The following APBA3 variants were observed in gnomAD, a reference collection of about 807,000 sequenced individuals.
The protein encoded by APBA3 is amyloid beta precursor protein binding family A member 3.
In APBA3, 45 loss-of-function variants were observed where a neutral mutation model predicts 55.9. The ratio of observed to expected loss-of-function variants is 0.80; its 90% CI spans 0.63 to 1.03. APBA3 has a LOEUF of 1.03. Among genes scored for constraint, APBA3 ranks in the 50% least tolerant of loss-of-function variants. APBA3 has a pLI of 0.00. For missense variants in APBA3, 865 were observed against 820.3 expected (o/e 1.05, Z -0.67); for synonymous variants, 370 against 353.3 (o/e 1.05, Z -0.53).
Position 3,759,792 on chromosome 19 carries a change from G to T in APBA3, c.473C>A (p.Ala158Asp), listed in dbSNP as rs964373048. ...DSDSPEWVEG[A>D]SAEQEGSRSS... ...CCTGCTGCCCTCCTGCTCAGCAGAG[G>T]CCCCCTCCACCCATTCTGGGGAGTC... Residue 158 changes from alanine (A) to aspartate (D), a missense_variant, in exon 2 of 11, where the codon GCC becomes GAC. Physicochemically the swap from Ala to Asp is moderately radical, Grantham distance 126. Coordinates refer to ENST00000316757, the MANE Select transcript of APBA3 (RefSeq NM_004886.4). 5 of 1,612,490 alleles carry T rather than the reference G, an allele frequency of 3.1e-6. No homozygotes were observed. The Admixed American group carries it at 6.7e-5, about 22-fold the overall frequency.
rs985963751 is a variant in APBA3, at chr19:3,754,721, C to T, written c.617-381G>A. On this transcript the variant is annotated intron_variant, in intron 3 of 10. Coordinates refer to ENST00000316757, the MANE Select transcript of APBA3 (RefSeq NM_004886.4). ...TCGCTCTGTCGCCCAGGCTGGAGCT[C>T]GGTGGTGTGATCTCAGCTCACTGCA... The T allele has an allele frequency of 9.1e-5, 17 of 186,366 alleles. 1 individual carries two copies. The South Asian group carries it at 1.1e-3, about 13-fold the overall frequency. The allele number at this position is 186,366 out of a possible 1,614,324, so 11.5% of individuals were successfully genotyped here.
Position 3,761,584 on chromosome 19 carries a change from T to G in APBA3, c.-86A>C, listed in dbSNP as rs1430482112. 2.6e-5 allele frequency: 4 copies of G among 152,166 alleles called. No individual in the cohort carries two copies. The highest frequency in any genetic ancestry group is 2.6e-4 in the Admixed American group (4 of 15,272). 9.4% of individuals were successfully genotyped at this position (152,166 alleles called of 1,614,324 possible). The stretch of plus-strand genomic sequence containing the variant: ...CCCCGCGCAGCCTCCAGGACCCCGC[T>G]CCCCACGGACGGCCCCGACGTAGCC... On this transcript the variant is annotated 5_prime_UTR_variant, in exon 1 of 11. Coordinates refer to ENST00000316757, the MANE Select transcript of APBA3 (RefSeq NM_004886.4).
At chr19:3,752,451 T>G in intron 8 of APBA3, 57 bp downstream of exon 8, 1 of 1,476,310 alleles carries the variant, frequency 6.8e-7, no homozygotes, top group Non-Finnish European at 9.1e-7. Context: ...GAGACCTCTC[T>G]GGGACTCAGC....
chr19:3,752,996 G>A lies in APBA3; in HGVS notation c.1012-6C>T. ...GCCTGGGCGATGAGCTGGGCCTGCG[G>A]GGAGGAGTGGCGCGTCCCTGGGGTG... On this transcript the variant is annotated splice_polypyrimidine_tract_variant and splice_region_variant and intron_variant, in intron 6 of 10. Transcript: ENST00000316757. 1 of 1,610,004 alleles carries A rather than the reference G, an allele frequency of 6.2e-7. No homozygotes were observed. The highest frequency in any genetic ancestry group is 8.5e-7 in the Non-Finnish European group (1 of 1,179,770).
At chr19:3,753,512 G>A (rs1467304332) in intron 6 of APBA3, 1 of 469,046 alleles carries the variant, frequency 2.1e-6, no homozygotes, top group African/African-American at 2.0e-5. Flanking sequence ...GCCAGGCATG[G>A]TGATACCCCG....
intron 3 of APBA3, among the ~76,000 whole-genome samples, chr19:3,758,032 T>C (rs1337965369): frequency 7.2e-5 from 11 of 152,092 alleles, no homozygotes; most frequent in African/African-American, 2.7e-4. Flanking sequence ...CCTCCCGGGT[T>C]CATGTGATTC....
In APBA3 at chr19:3,753,075, C is replaced by T. The variant is rs1022585882; in HGVS notation, c.1012-85G>A. ...GTCCCCAGGGTCCTCAGAGCTGAGC[C>T]CTCCTGTCCCCACCTGGGGTGAGAG... On this transcript the variant is annotated intron_variant, in intron 6 of 10. Coordinates refer to ENST00000316757, the MANE Select transcript of APBA3 (RefSeq NM_004886.4). The T allele has an allele frequency of 1.9e-5, 28 of 1,479,798 alleles. No individual in the cohort carries two copies. The African/African-American group carries it at 2.4e-4, about 12-fold the overall frequency. The allele number at this position is 1,479,798 out of a possible 1,614,324, so 91.7% of individuals were successfully genotyped here. A position where few individuals can be genotyped will look rare whatever the true frequency, so the allele number is the denominator to read the frequency against.
chr19:3,750,991 G>A lies in APBA3; in HGVS notation c.*35C>T. ...CAGGATGGGGCTCCGGGGCCATGGA[G>A]GCGAAGGCACAGTGGCAGGCAAGGG... On this transcript the variant is annotated 3_prime_UTR_variant, in exon 11 of 11. Transcript: ENST00000316757. 2 of 1,550,158 alleles carry A rather than the reference G, an allele frequency of 1.3e-6. No homozygotes were observed. Among genetic ancestry groups the A allele is most frequent in the Non-Finnish European group, 1.7e-6 (2 of 1,144,896 alleles).
At chr19:3,751,402 C>G (rs781525398) in intron 9 of APBA3, 32 bp downstream of exon 9, 2 of 1,515,558 alleles carry the variant, frequency 1.3e-6, no homozygotes, top group Admixed American at 4.2e-5. Flanking sequence ...CGCCCTACCC[C>G]CCCACCCCGG....
intron 6 of APBA3, 32 bp from the exon 7 acceptor site, chr19:3,753,022 TC>T: frequency 6.2e-7 from 1 of 1,602,646 alleles, no homozygotes. Flanking sequence ...CCCTGGGGTG[TC>T]CCACCCACCT....
At position 3,759,568 on chromosome 19, in the gene APBA3, G is replaced by A; in HGVS notation, c.609C>T (p.Pro203=). The A allele has an allele frequency of 1.3e-6, 2 of 1,599,774 alleles. No individual in the cohort carries two copies. Among genetic ancestry groups the A allele is most frequent in the Non-Finnish European group, 8.5e-7 (1 of 1,174,702 alleles). The change falls in exon 3 of 11, where the codon CCC becomes CCT. Residue 203 remains proline (P), a synonymous_variant. Coordinates refer to ENST00000316757, the MANE Select transcript of APBA3 (RefSeq NM_004886.4). The part of the protein sequence containing the change: ...SPETLASYPA[P]QEVPGPCDHE... ...GGTGGGCGGGACACTCACCCTCCTG[G>A]GGGGCAGGGTAGGAAGCCAGGGTCT...
intron 3 of APBA3, chr19:3,754,851 G>C (rs2037057608): frequency 6.5e-6 from 1 of 152,832 alleles, no homozygotes. Context: ...ATTTTTAGTA[G>C]AGACGGGGTT....
In APBA3 at chr19:3,751,224, G is replaced by C; in HGVS notation, c.1621C>G (p.Arg541Gly). ...GCCTCGGTGAGCAGCTCGATGATGC[G>C]GGCGTGTGGCGTGGCCACCACACTC... ...GQSVVATPHA[R>G]IIELLTEAYG... The change falls in exon 10 of 11, where the codon CGC (arginine) becomes GGC (glycine). Residue 541 changes from arginine (R) to glycine (G), a missense_variant. Transcript: ENST00000316757. 4 of 1,550,250 alleles carry C rather than the reference G, an allele frequency of 2.6e-6. No homozygotes were observed. The highest frequency in any genetic ancestry group is 3.5e-6 in the Non-Finnish European group (4 of 1,148,776).
Position 3,753,836 on chromosome 19 carries a change from G to T in APBA3, c.940C>A (p.Arg314=). The T allele has an allele frequency of 6.4e-7, 1 of 1,574,020 alleles. No homozygotes were observed. The highest frequency in any genetic ancestry group is 8.6e-7 in the Non-Finnish European group (1 of 1,161,766). The change falls in exon 6 of 11, where the codon CGG becomes AGG. Residue 314 remains arginine (R), a synonymous_variant. Transcript: ENST00000316757. ...LVLMARRRLA[R]RPAPQDHGRR... is the part of the protein sequence containing the mutation. ...CCGTGGTCCTGGGGTGCCGGCCTCC[G>T]TGCCAGCCGCCGCCGCGCCATCAGC... is the stretch of plus-strand genomic sequence containing the variant.
intron 3 of APBA3, among the ~76,000 whole-genome samples, chr19:3,758,853 T>C (rs2037110537): frequency 1.3e-5 from 2 of 150,018 alleles, no homozygotes; most frequent in Admixed American, 1.3e-4. Context: ...ACTCCAAGCC[T>C]GGGTGACAGA....
In APBA3 at chr19:3,751,105, G is replaced by A. The variant is rs367749103; in HGVS notation, c.1657-8C>T. The A allele has an allele frequency of 1.2e-4, 182 of 1,566,336 alleles. 1 individual carries two copies. Among genetic ancestry groups the A allele is most frequent in the Non-Finnish European group, 1.5e-4 (177 of 1,155,286 alleles). On this transcript the variant is annotated splice_region_variant and splice_polypyrimidine_tract_variant and intron_variant, in intron 10 of 10. Transcript: ENST00000316757. ...CATCGTCTTGATATGCACCTGGGGA[G>A]TGGAGGCGGAACGGGGCTCAGGGCA...
chr19:3,752,989 G>C lies in APBA3; in HGVS notation c.1013C>G (p.Ala338Gly), dbSNP rs1335889521. Reference sequence around the variant, plus strand: ...GCCAATGGCCTGGGCGATGAGCTGGGCCTGCGGGGAGGAGTGGCGCGTCCC... The same window carrying C: ...GCCAATGGCCTGGGCGATGAGCTGGCCCTGCGGGGAGGAGTGGCGCGTCCC... The part of the protein sequence containing the change: ...MLCHVFYAED[A>G]QLIAQAIGQA... The change falls in exon 7 of 11, where the codon GCC becomes GGC. Residue 338 changes from alanine to glycine, a missense_variant and splice_region_variant. Coordinates refer to ENST00000316757, the MANE Select transcript of APBA3 (RefSeq NM_004886.4). 8 of 1,611,152 alleles carry C rather than the reference G, an allele frequency of 5.0e-6. No homozygotes were observed. Among genetic ancestry groups the C allele is most frequent in the Non-Finnish European group, 6.8e-6 (8 of 1,179,826 alleles).
chr19:3,751,310 C>G lies in APBA3; in HGVS notation c.1535G>C (p.Gly512Ala), dbSNP rs780597479. The G allele has an allele frequency of 3.1e-5, 48 of 1,538,234 alleles. 1 individual carries two copies. The South Asian group carries it at 5.4e-4, about 17-fold the overall frequency. Residue 512 changes from glycine (G) to alanine (A), a missense_variant, in exon 10 of 11, where the codon GGT becomes GCT. Gly to Ala is a moderately conservative substitution (Grantham distance 60). Transcript: ENST00000316757. ...EDGIICSLLR[G>A]GIAERGGIRV... ...GATGCCCCCACGCTCGGCGATGCCA[C>G]CACGGAGGAGGCTGCAGATCTGGGG...
chr19:3,759,846 T>G lies in APBA3; in HGVS notation c.419A>C (p.Gln140Pro), dbSNP rs772292739. The G allele has an allele frequency of 6.2e-7, 1 of 1,612,632 alleles. No homozygotes were observed. Among genetic ancestry groups the G allele is most frequent in the South Asian group, 1.1e-5 (1 of 91,064 alleles). ...ATCCTCATCTGGGTCCTCAGGGGGC[T>G]GCAACAGTCGGGGGGCAGGCTCTAG... ...EPLEPAPRLL[Q>P]PPEDPDEDSD... The change falls in exon 2 of 11, where the codon CAG (glutamine) becomes CCG (proline). Residue 140 changes from glutamine to proline, a missense_variant. Coordinates refer to ENST00000316757, the MANE Select transcript of APBA3 (RefSeq NM_004886.4).
Sources: allele counts gnomAD v4.1 joint callset (sites outside exome capture counted in the v4.1 genomes callset), GRCh38; gene constraint gnomAD v4.1.1; transcripts MANE v1.5; gene names NCBI Gene and HGNC (gene_info 2026-07-23, HGNC 2026-07-21).